Variants in RAPGEF2 observed in about 807,000 individuals in gnomAD.
The protein encoded by RAPGEF2 is PDZ domain containing guanine nucleotide exchange factor (GEF) 1.
RAPGEF2 carries 54 observed loss-of-function variants against 186.7 expected under a neutral mutation model. The ratio of observed to expected loss-of-function variants is 0.29; its 90% CI spans 0.23 to 0.36. The LOEUF (loss-of-function observed/expected upper bound fraction) is 0.36, where lower values mean the gene tolerates loss of function less well. Among genes scored for constraint, RAPGEF2 ranks in the 10% least tolerant of loss-of-function variants. The pLI, the probability that RAPGEF2 is intolerant of heterozygous loss-of-function variation, is 1.00. For missense variants in RAPGEF2, 1,532 were observed against 2,045.0 expected (o/e 0.75, Z 4.84); for synonymous variants, 712 against 705.9 (o/e 1.01, Z -0.14).
chr4:159,318,903 A>G (rs1230137888), intron 9 of RAPGEF2, among the ~76,000 whole-genome samples: 1 of 152,154 alleles, frequency 6.6e-6, no homozygotes, highest in African/African-American at 2.4e-5. Flanking sequence ...AAATGTTTTT[A>G]AAGCTTAATA....
intron 17 of RAPGEF2, among the ~76,000 whole-genome samples, chr4:159,334,316 T>C (rs1463473405): frequency 1.3e-5 from 2 of 152,238 alleles, no homozygotes; most frequent in Non-Finnish European, 2.9e-5. Flanking sequence ...ATTGCTGTGA[T>C]CTGCTCACTG....
chr4:159,222,989 T>C (rs978509063), intron 4 of RAPGEF2, among the ~76,000 whole-genome samples: 1 of 151,984 alleles, frequency 6.6e-6, no homozygotes, highest in East Asian at 1.9e-4. Context: ...TATTCTGTAT[T>C]ATGTACCCAC....
chr4:159,357,260 C>T (rs1313824244), intron 29 of RAPGEF2, among the ~76,000 whole-genome samples: 1 of 152,114 alleles, frequency 6.6e-6, no homozygotes, highest in Non-Finnish European at 1.5e-5. Flanking sequence ...ACTATGGAGG[C>T]TGAAGTGGAA....
chr4:159,272,956 T>C (rs1758300854), intron 7 of RAPGEF2, among the ~76,000 whole-genome samples: 1 of 152,238 alleles, frequency 6.6e-6, no homozygotes, highest in South Asian at 2.1e-4. Flanking sequence ...AAATGTGTTA[T>C]ATTACCATGA....
intron 4 of RAPGEF2, among the ~76,000 whole-genome samples, chr4:159,224,381 T>G (rs2111413487): frequency 6.6e-6 from 1 of 152,350 alleles, no homozygotes; most frequent in South Asian, 2.1e-4. Flanking sequence ...GCATGAATTT[T>G]AATTTTTCTA....
Position 159,359,150 on chromosome 4 carries a change from T to TTTTTTG in RAPGEF2, c.*1016_*1017insGTTTTT, listed in dbSNP as rs1231558773. 1 of 35,000 alleles carries TTTTTTG rather than the reference T, an allele frequency of 2.9e-5. No homozygotes were observed. The allele number at this position is 35,000 out of a possible 1,614,324, so 2.2% of individuals were successfully genotyped here. A position where few individuals can be genotyped will look rare whatever the true frequency, so the allele number is the denominator to read the frequency against. On this transcript the variant is annotated 3_prime_UTR_variant, in exon 30 of 30. Coordinates refer to ENST00000691494, the MANE Select transcript of RAPGEF2 (RefSeq NM_001394067.2). ...TTAGAGGTGTAGGTTTTGTTTTTTG[T>TTTTTTG]TTTTTTGTTTTTTTTTAAGAGAAAC...
At chr4:159,266,875 T>G in intron 7 of RAPGEF2, 1 of 177,948 alleles carries the variant, frequency 5.6e-6, no homozygotes, top group Non-Finnish European at 1.2e-5. Flanking sequence ...CCACCCTGTC[T>G]TCAGTGATAT....
At chr4:159,232,766 A>G (rs200680130) in intron 4 of RAPGEF2, among the ~76,000 whole-genome samples, 2 of 152,208 alleles carry the variant, frequency 1.3e-5, no homozygotes, top group East Asian at 3.8e-4. Flanking sequence ...CAGGGTTCCA[A>G]GTCCTCCACA....
chr4:159,282,747 A>G (rs530949079), intron 7 of RAPGEF2: 1 of 380,182 alleles, frequency 2.6e-6, no homozygotes, highest in Non-Finnish European at 5.1e-6. Context: ...TATAGATTAT[A>G]GAAGCATGGG....
intron 1 of RAPGEF2, among the ~76,000 whole-genome samples, chr4:159,106,627 G>A (rs1737916468): frequency 6.6e-6 from 1 of 152,190 alleles, no homozygotes; most frequent in African/African-American, 2.4e-5. Flanking sequence ...CTGTTTCTGA[G>A]GATAGACTCG....
chr4:159,197,055 T>C (rs990324239), intron 3 of RAPGEF2, among the ~76,000 whole-genome samples: 2 of 152,260 alleles, frequency 1.3e-5, no homozygotes, highest in African/African-American at 4.8e-5. Context: ...TTAGGTATTG[T>C]GCTGTTTTGT....
At chr4:159,333,674 GCTT>G (rs1767003540) in intron 17 of RAPGEF2, among the ~76,000 whole-genome samples, 1 of 152,112 alleles carries the variant, frequency 6.6e-6, no homozygotes, top group Non-Finnish European at 1.5e-5. Context: ...TTGCTTGCTT[GCTT>G]CTTCATTTTA....
At chr4:159,282,697 A>C in intron 7 of RAPGEF2, 1 of 442,024 alleles carries the variant, frequency 2.3e-6, no homozygotes, top group Non-Finnish European at 4.5e-6. Flanking sequence ...TGCTTAAGAA[A>C]TGATCAAGGT....
intron 7 of RAPGEF2, among the ~76,000 whole-genome samples, chr4:159,250,431 G>A (rs1019363586): frequency 6.6e-6 from 1 of 152,178 alleles, no homozygotes; most frequent in Non-Finnish European, 1.5e-5. Context: ...GACCAAATCT[G>A]TAATATGAAT....
rs900207217 is a variant in RAPGEF2, at chr4:159,353,543, C to A, written c.4148C>A (p.Ser1383Tyr). Residue 1383 changes from serine to tyrosine, a missense_variant, in exon 28 of 30, where the codon TCT (serine) becomes TAT (tyrosine). This residue lies in a region of RAPGEF2 where 594 missense variants were observed against 608.5 expected (regional missense o/e 0.98). Coordinates refer to ENST00000691494, the MANE Select transcript of RAPGEF2 (RefSeq NM_001394067.2). This position sits in a 1 kb window ranked among gnomAD's most constrained non-coding sequence, Gnocchi z 4.3. Reference protein sequence around the residue: ...RGLYATATVISSPSTEELSQD... With the variant: ...RGLYATATVIYSPSTEELSQD... ...TTATATGCTACAGCTACAGTAATTT[C>A]TTCTCCAAGCACAGAGGAACTTTCC... 2.6e-6 allele frequency: 4 copies of A among 1,541,270 alleles called. No individual in the cohort carries two copies. In the African/African-American group the frequency reaches 4.2e-5, roughly 16 times the overall value.
chr4:159,200,287 G>T (rs1001086807), intron 3 of RAPGEF2, among the ~76,000 whole-genome samples: 2 of 151,870 alleles, frequency 1.3e-5, no homozygotes, highest in Non-Finnish European at 2.9e-5. Context: ...GGACAAAATG[G>T]CACGACCCTA....
At chr4:159,111,807 A>G (rs991392963) in intron 1 of RAPGEF2, among the ~76,000 whole-genome samples, 2 of 152,208 alleles carry the variant, frequency 1.3e-5, no homozygotes, top group Admixed American at 6.5e-5. Flanking sequence ...TTCACATACA[A>G]TTGTAGGAAA....
chr4:159,341,741 T>C lies in RAPGEF2; in HGVS notation c.2712T>C (p.Asp904=). The change falls in exon 20 of 30, where the codon GAT becomes GAC. Residue 904 remains aspartate, a synonymous_variant. Transcript: ENST00000691494. ...ACATTGAACCTACTGAATATATAGA[T>C]GATTTATTTAAACTCAGATCAAAAA... ...FRNIEPTEYI[D]DLFKLRSKTS... The C allele has an allele frequency of 6.2e-7, 1 of 1,614,030 alleles. No homozygotes were observed. Among genetic ancestry groups the C allele is most frequent in the Non-Finnish European group, 8.5e-7 (1 of 1,179,904 alleles).
intron 8 of RAPGEF2, among the ~76,000 whole-genome samples, chr4:159,308,868 G>C (rs1459968258): frequency 2.6e-5 from 4 of 152,180 alleles, no homozygotes; most frequent in Admixed American, 2.6e-4. Context: ...TTCATTTGTT[G>C]AGAGTGAGAG....
Sources: gnomAD v4.1 joint callset for allele counts (sites outside exome capture counted in the v4.1 genomes callset) on GRCh38, gnomAD v4.1.1 for gene constraint, gnomAD v4.1.1 regional missense constraint, Gnocchi (gnomAD v3.1) non-coding constraint, MANE v1.5 for transcripts, NCBI Gene and HGNC (gene_info 2026-07-23, HGNC 2026-07-21) for gene names.